The following DNMT3A variants were observed in gnomAD, a reference collection of about 807,000 sequenced individuals.
DNMT3A encodes DNA (cytosine-5)-methyltransferase 3A.
In DNMT3A, 267 loss-of-function variants were observed where a neutral mutation model predicts 117.6. The observed-to-expected ratio is 2.27, with a 90% CI of 2.05 to 2.51. DNMT3A has a LOEUF of 2.51. Ranked by LOEUF, DNMT3A falls within the 30% of genes most tolerant of loss-of-function variation. The pLI is 0.00. For synonymous variants in DNMT3A, 432 were observed against 474.8 expected, an observed-to-expected ratio of 0.91 and a Z score of 1.17; for missense variants, 1,029 against 1,260.2, an observed-to-expected ratio of 0.82 and a Z score of 2.78.
In DNMT3A at chr2:25,234,108, G is replaced by A. The variant is rs559000281; in HGVS notation, c.*171C>T. 1.0e-5 allele frequency: 11 copies of A among 1,075,848 alleles called. 1 individual carries two copies. The African/African-American group carries it at 1.8e-4, about 17-fold the overall frequency. 66.6% of individuals were successfully genotyped at this position (1,075,848 alleles called of 1,614,324 possible). A position where few individuals can be genotyped will look rare whatever the true frequency, so the allele number is the denominator to read the frequency against. ...AGATGATGTCCAACCCTTTTCGCAA[G>A]GCAAAGCCCTCCGGTATTTCCGCCT... On this transcript the variant is annotated 3_prime_UTR_variant, in exon 23 of 23. Coordinates refer to ENST00000321117, the MANE Select transcript of DNMT3A (RefSeq NM_022552.5). The surrounding 1 kb of genome is among the most constrained non-coding windows in gnomAD (Gnocchi z 4.5).
intron 6 of DNMT3A, among the ~76,000 whole-genome samples, chr2:25,256,497 A>G (rs1676151858): frequency 6.6e-6 from 1 of 152,180 alleles, no homozygotes; most frequent in South Asian, 2.1e-4. Flanking sequence ...GCATGTGTCT[A>G]TTTGAATTAA....
At position 25,252,281 on chromosome 2, in the gene DNMT3A, G is replaced by T; in HGVS notation, c.640-4029C>A. 8 of 1,361,422 alleles carry T rather than the reference G, an allele frequency of 5.9e-6. No homozygotes were observed. The highest frequency in any genetic ancestry group is 7.9e-6 in the Non-Finnish European group (8 of 1,012,410). 84.3% of individuals were successfully genotyped at this position (1,361,422 alleles called of 1,614,324 possible). On this transcript the variant is annotated intron_variant, in intron 6 of 22. Transcript: ENST00000321117. This position sits in a 1 kb window ranked among gnomAD's most constrained non-coding sequence, Gnocchi z 5.5. ...CTGGAAGTAGCTGCCCGTCTTGGGG[G>T]AGGGGAAGGGGGCGATGGGGCTGGG...
At chr2:25,283,965 C>T (rs940770671) in intron 3 of DNMT3A, among the ~76,000 whole-genome samples, 5 of 152,188 alleles carry the variant, frequency 3.3e-5, no homozygotes, top group East Asian at 1.9e-4. Context: ...GCAGGAGAGC[C>T]GGGTGCCTGC....
chr2:25,300,707 AATATAATATATATATATATAT>A (rs1219033195), intron 2 of DNMT3A, among the ~76,000 whole-genome samples: 12 of 57,860 alleles, frequency 2.1e-4, no homozygotes, highest in African/African-American at 8.3e-4. Flanking sequence ...ATATCTAAAT[AATATAATATATATATATATAT>A]ATATATATAT....
intron 1 of DNMT3A, among the ~76,000 whole-genome samples, chr2:25,338,855 C>A (rs1573519048): frequency 2.6e-5 from 4 of 152,006 alleles, no homozygotes; most frequent in Non-Finnish European, 4.4e-5. Flanking sequence ...GGTGTGAAAG[C>A]GATAGTAAAA....
intron 1 of DNMT3A, among the ~76,000 whole-genome samples, chr2:25,332,422 T>G (rs1441446689): frequency 1.3e-5 from 2 of 152,202 alleles, no homozygotes; most frequent in Admixed American, 6.5e-5. Context: ...CTGGACATGG[T>G]GTGCCAGGGG....
rs1032678453 is a variant in DNMT3A, at chr2:25,327,942, G to A, written c.-177-13781C>T. Among the ~76,000 whole-genome samples the A allele has an allele frequency of 2.6e-5, 4 of 151,988 alleles. No individual in the cohort carries two copies. Among genetic ancestry groups the A allele is most frequent in the South Asian group, 2.1e-4 (1 of 4,810 alleles). On this transcript the variant is annotated intron_variant, in intron 1 of 22. Coordinates refer to ENST00000321117, the MANE Select transcript of DNMT3A (RefSeq NM_022552.5). This position sits in a 1 kb window ranked among gnomAD's most constrained non-coding sequence, Gnocchi z 4.1. Reference sequence around the variant, plus strand: ...GGTACCTGGTCCTTGGGCTTCTCTCGTCCCCCTATTCCCTCCAGGCCCTTT... The same window carrying A: ...GGTACCTGGTCCTTGGGCTTCTCTCATCCCCCTATTCCCTCCAGGCCCTTT...
rs1310158529 is a variant in DNMT3A, at chr2:25,282,476, G to A, written c.413C>T (p.Thr138Ile). 4.3e-6 allele frequency: 7 copies of A among 1,612,990 alleles called. No homozygotes were observed. The highest frequency in any genetic ancestry group is 1.7e-6 in the Non-Finnish European group (2 of 1,179,904). The change falls in exon 4 of 23, where the codon ACC becomes ATC. Residue 138 changes from threonine to isoleucine, a missense_variant. Physicochemically the swap from Thr to Ile is moderately conservative, Grantham distance 89 (BLOSUM62 -1). Transcript: ENST00000321117. The surrounding 1 kb of genome is among the most constrained non-coding windows in gnomAD (Gnocchi z 5.2). ...ASRAVENGCC[T>I]PKEGRGAPAE... ...AGGGGCTCCTCGGCCCTCCTTGGGG[G>A]TGCAGCAGCCATTTTCCACTGCTCT...
At chr2:25,321,339 G>A (rs962886387) in intron 1 of DNMT3A, among the ~76,000 whole-genome samples, 1 of 152,136 alleles carries the variant, frequency 6.6e-6, no homozygotes, top group African/African-American at 2.4e-5. Flanking sequence ...AGCCAGCGAT[G>A]GCCAGTCTTT....
chr2:25,272,299 T>C (rs2149360827), intron 6 of DNMT3A, among the ~76,000 whole-genome samples: 1 of 152,366 alleles, frequency 6.6e-6, no homozygotes, highest in Non-Finnish European at 1.5e-5. Context: ...AAAAAGTCTT[T>C]TTAAATTTTA....
rs568045918 is a variant in DNMT3A, at chr2:25,314,016, G to A, written c.-32C>T. ...GCCGGGAGGCAGGCTGGGGCTGCGC[G>A]GGGCTGGGGGGCTGCTGGGCTTTGG... On this transcript the variant is annotated 5_prime_UTR_variant, in exon 2 of 23. Transcript: ENST00000321117. The A allele has an allele frequency of 9.1e-5, 137 of 1,504,068 alleles. 1 individual carries two copies. Among genetic ancestry groups the A allele is most frequent in the Non-Finnish European group, 7.2e-5 (81 of 1,126,800 alleles). 93.2% of individuals were successfully genotyped at this position (1,504,068 alleles called of 1,614,324 possible).
At chr2:25,291,481 G>A (rs2032761508) in intron 3 of DNMT3A, among the ~76,000 whole-genome samples, 1 of 152,232 alleles carries the variant, frequency 6.6e-6, no homozygotes, top group Admixed American at 6.5e-5. Flanking sequence ...TTCCTGGGGT[G>A]GATGGAGCAA....
intron 6 of DNMT3A, among the ~76,000 whole-genome samples, chr2:25,262,619 A>G (rs1676711572): frequency 6.6e-6 from 1 of 152,174 alleles, no homozygotes; most frequent in African/African-American, 2.4e-5. Flanking sequence ...GGCCAAATGT[A>G]ATGTTCTCCT....
rs1047016944 is a variant in DNMT3A, at chr2:25,231,339, C to T, written c.*2940G>A. On this transcript the variant is annotated 3_prime_UTR_variant, in exon 23 of 23. Coordinates refer to ENST00000321117, the MANE Select transcript of DNMT3A (RefSeq NM_022552.5). ...AGGCTCCCTTCCTCGCTGCTCCAGC[C>T]CCACAGCAGCCCAGTCACCACCTGT... 2 of 152,316 alleles carry T rather than the reference C, an allele frequency of 1.3e-5. No homozygotes were observed. The highest frequency in any genetic ancestry group is 1.3e-4 in the Admixed American group (2 of 15,272). 9.4% of individuals were successfully genotyped at this position (152,316 alleles called of 1,614,324 possible).
rs1188840195 is a variant in DNMT3A, at chr2:25,252,715, G to A, written c.640-4463C>T. ...CGAAAGCAAGCCGGAGCTTTCGGACGGCCTGGGAGAGCCGGGAGAAAGTTG... is the reference window on the plus strand; with the variant it reads ...CGAAAGCAAGCCGGAGCTTTCGGACAGCCTGGGAGAGCCGGGAGAAAGTTG... On this transcript the variant is annotated intron_variant, in intron 6 of 22. Coordinates refer to ENST00000321117, the MANE Select transcript of DNMT3A (RefSeq NM_022552.5). This position sits in a 1 kb window ranked among gnomAD's most constrained non-coding sequence, Gnocchi z 5.5. 6.6e-6 allele frequency among the ~76,000 whole-genome samples: 1 copy of A among 152,136 alleles called. No individual in the cohort carries two copies. Among genetic ancestry groups the A allele is most frequent in the Non-Finnish European group, 1.5e-5 (1 of 67,996 alleles).
intron 3 of DNMT3A, among the ~76,000 whole-genome samples, chr2:25,284,645 TAAAAAAA>T (rs56901099): frequency 2.4e-4 from 4 of 16,632 alleles, no homozygotes; most frequent in Admixed American, 8.1e-4. Context: ...AGACTCCATC[TAAAAAAA>T]AAAAAAAAAA....
chr2:25,341,684 C>G, intron 1 of DNMT3A, 142 bp downstream of exon 1: 1 of 566,398 alleles, frequency 1.8e-6, no homozygotes, highest in Non-Finnish European at 2.2e-6. Context: ...CCCGGCCCCA[C>G]GGGCGCCCGG....
At chr2:25,269,227 C>T (rs1348975168) in intron 6 of DNMT3A, among the ~76,000 whole-genome samples, 3 of 152,090 alleles carry the variant, frequency 2.0e-5, no homozygotes, top group Non-Finnish European at 4.4e-5. Context: ...AAGGCTGAGG[C>T]GAGGCACGAG....
chr2:25,253,006 G>A (rs1675780483), intron 6 of DNMT3A, among the ~76,000 whole-genome samples: 1 of 152,176 alleles, frequency 6.6e-6, no homozygotes, highest in Admixed American at 6.5e-5. Context: ...GTCACTCTGG[G>A]CCTTCCCTGG....
Sources: allele counts gnomAD v4.1 joint callset (sites outside exome capture counted in the v4.1 genomes callset), GRCh38; gene constraint gnomAD v4.1.1; non-coding constraint Gnocchi (gnomAD v3.1); transcripts MANE v1.5; gene names NCBI Gene and HGNC (gene_info 2026-07-23, HGNC 2026-07-21).